KIAA1614: variants seen among roughly 807,000 people sequenced by gnomAD.
The protein encoded by KIAA1614 is KIAA1614.
KIAA1614 carries 76 observed loss-of-function variants against 88.7 expected under a neutral mutation model. The ratio of observed to expected loss-of-function variants is 0.86; its 90% confidence interval spans 0.71 to 1.04. KIAA1614 has a LOEUF of 1.04. Ranked by LOEUF, KIAA1614 falls within the 50% of genes least tolerant of loss-of-function variation. KIAA1614 has a pLI of 0.00. For missense variants in KIAA1614, 1,553 were observed against 1,582.5 expected, an observed-to-expected ratio of 0.98 and a Z score of 0.32; for synonymous variants, 714 against 675.5, an observed-to-expected ratio of 1.06 and a Z score of -0.88.
chr1:180,916,800 A>G lies in KIAA1614; in HGVS notation c.697A>G (p.Ile233Val), dbSNP rs1469283719. The part of the protein sequence containing the change: ...GPGHCNKIIH[I>V]PSPRTGRSYP... Reference sequence around the variant, plus strand: ...TGGTCATTGTAACAAAATCATCCACATTCCCAGCCCAAGGACAGGAAGGTC... The same window carrying G: ...TGGTCATTGTAACAAAATCATCCACGTTCCCAGCCCAAGGACAGGAAGGTC... The change falls in exon 2 of 9, where the codon ATT (isoleucine) becomes GTT (valine). Residue 233 changes from isoleucine (I) to valine (V), a missense_variant. By Grantham distance (29) the Ile-to-Val change is conservative (BLOSUM62 3). Coordinates refer to ENST00000367588, the MANE Select transcript of KIAA1614 (RefSeq NM_020950.2). The G allele has an allele frequency of 1.2e-6, 2 of 1,614,110 alleles. No individual in the cohort carries two copies. The highest frequency in any genetic ancestry group is 1.3e-5 in the African/African-American group (1 of 74,948).
Position 180,947,459 on chromosome 1 carries a change from T to G in KIAA1614, c.*1871T>G, listed in dbSNP as rs1558074859. 6.6e-6 allele frequency: 1 copy of G among 151,828 alleles called. No individual in the cohort carries two copies. The allele number at this position is 151,828 out of a possible 1,614,324, so 9.4% of individuals were successfully genotyped here. A position where few individuals can be genotyped will look rare whatever the true frequency, so the allele number is the denominator to read the frequency against. ...CCTGGACTGGGAACGGCTGTGGAGA[T>G]GGGGAGAGGGGAGAGGGGACAGGGG... On this transcript the variant is annotated 3_prime_UTR_variant, in exon 9 of 9. Coordinates refer to ENST00000367588, the MANE Select transcript of KIAA1614 (RefSeq NM_020950.2).
intron 3 of KIAA1614, among the ~76,000 whole-genome samples, chr1:180,918,322 C>T (rs1223328970): frequency 6.6e-6 from 1 of 152,208 alleles, no homozygotes; most frequent in East Asian, 1.9e-4. Flanking sequence ...CAAAGCCTTA[C>T]CCCAATTCCG....
At position 180,913,105 on chromosome 1, in the gene KIAA1614, A is replaced by C. The variant is rs1653691180; in HGVS notation, c.-139A>C. ...GGCCTCGGCGCCGTCCCGGACCCCC[A>C]GTCGGCCGCGCCCCGAGGGGCGAGG... On this transcript the variant is annotated 5_prime_UTR_variant, in exon 1 of 9. Coordinates refer to ENST00000367588, the MANE Select transcript of KIAA1614 (RefSeq NM_020950.2). 1.9e-6 allele frequency: 1 copy of C among 523,656 alleles called. No homozygotes were observed. Among genetic ancestry groups the C allele is most frequent in the African/African-American group, 2.0e-5 (1 of 49,878 alleles). The allele number at this position is 523,656 out of a possible 1,614,324, so 32.4% of individuals were successfully genotyped here.
At chr1:180,923,597 CCCTGAGCTCCTGGGGCA>C (rs1296099190) in intron 3 of KIAA1614, among the ~76,000 whole-genome samples, 2 of 152,218 alleles carry the variant, frequency 1.3e-5, no homozygotes, top group African/African-American at 4.8e-5. Flanking sequence ...TGTATCTCCT[CCCTGAGCTCCTGGGGCA>C]AGAACTGTGC....
Position 180,926,050 on chromosome 1 carries a change from C to T in KIAA1614, c.1062-2380C>T, listed in dbSNP as rs79414434. Among the ~76,000 whole-genome samples the T allele has an allele frequency of 5.2e-3, 797 of 152,322 alleles. 9 individuals are homozygous for T. Among genetic ancestry groups the T allele is most frequent in the East Asian group, 0.03 (155 of 5,180 alleles). On this transcript the variant is annotated intron_variant, in intron 3 of 8. Coordinates refer to ENST00000367588, the MANE Select transcript of KIAA1614 (RefSeq NM_020950.2). ...AGCCACTTTATTCCTATGCTCCACCCTCTGAGCTAATGAGCTCCAGAAGTG... is the reference window on the plus strand; with the variant it reads ...AGCCACTTTATTCCTATGCTCCACCTTCTGAGCTAATGAGCTCCAGAAGTG...
At chr1:180,925,735 C>T (rs188543796) in intron 3 of KIAA1614, among the ~76,000 whole-genome samples, 10 of 152,164 alleles carry the variant, frequency 6.6e-5, no homozygotes, top group African/African-American at 9.7e-5. Context: ...GTGAACCAGT[C>T]GAGGACACAG....
rs1022033989 is a variant in KIAA1614 at position 180,916,361 on chromosome 1, G to C, written c.258G>C (p.Lys86Asn). 2.5e-6 allele frequency: 4 copies of C among 1,614,092 alleles called. No individual in the cohort carries two copies. The highest frequency in any genetic ancestry group is 2.5e-6 in the Non-Finnish European group (3 of 1,180,036). The change falls in exon 2 of 9, where the codon AAG (lysine) becomes AAC (asparagine). Residue 86 changes from lysine to asparagine, a missense_variant. Lys to Asn is a moderately conservative substitution (Grantham distance 94, BLOSUM62 0). Transcript: ENST00000367588. ...AGGGCCCCTCTGTGCTGGAATCCAA[G>C]GTGAGGGCTTTGAAGGAGAAGATGA... ...QLQGPSVLES[K>N]VRALKEKMTV...
intron 4 of KIAA1614, among the ~76,000 whole-genome samples, chr1:180,932,421 G>A (rs1654216852): frequency 6.6e-6 from 1 of 152,154 alleles, no homozygotes. Context: ...CTGGTTGAAA[G>A]ATAAATATGT....
intron 1 of KIAA1614, among the ~76,000 whole-genome samples, chr1:180,914,631 C>T (rs1314512427): frequency 6.6e-6 from 1 of 152,156 alleles, no homozygotes; most frequent in African/African-American, 2.4e-5. Context: ...CTCACTGTAA[C>T]CTCCGCCTTC....
At position 180,917,073 on chromosome 1, in the gene KIAA1614, A is replaced by T; in HGVS notation, c.970A>T (p.Thr324Ser). 6.2e-7 allele frequency: 1 copy of T among 1,613,182 alleles called. No homozygotes were observed. Among genetic ancestry groups the T allele is most frequent in the African/African-American group, 1.3e-5 (1 of 74,992 alleles). The change falls in exon 2 of 9, where the codon ACT (threonine) becomes TCT (serine). Residue 324 changes from threonine to serine, a missense_variant. Physicochemically the swap from Thr to Ser is moderately conservative, Grantham distance 58. Transcript: ENST00000367588. ...CCGCAAGGTGGGAACCCCTGCCTGGACTCCATCCTGGGACACAGCTGCACC... is the reference window on the plus strand; with the variant it reads ...CCGCAAGGTGGGAACCCCTGCCTGGTCTCCATCCTGGGACACAGCTGCACC... Reference protein sequence around the residue: ...SPRKVGTPAWTPSWDTAAPER... With the variant: ...SPRKVGTPAWSPSWDTAAPER...
At position 180,946,460 on chromosome 1, in the gene KIAA1614, T is replaced by C. The variant is rs4652539; in HGVS notation, c.*872T>C. 0.49 allele frequency: 75,271 copies of C among 152,072 alleles called. 19,263 individuals carry two copies. Among genetic ancestry groups the C allele is most frequent in the East Asian group, 0.6 (3,105 of 5,162 alleles). The allele number at this position is 152,072 out of a possible 1,614,324, so 9.4% of individuals were successfully genotyped here. ...CCAGTTCTCAGTTCCACCCCATCCA[T>C]GAGTCTTTCAGGGCAACGTGACTTG... On this transcript the variant is annotated 3_prime_UTR_variant, in exon 9 of 9. Transcript: ENST00000367588.
chr1:180,936,135 A>G lies in KIAA1614; in HGVS notation c.2226A>G (p.Pro742=). ...HQPHPLDSRT[P]CRTAYATTAP... is the part of the protein sequence containing the mutation. ...CTCACCCTTTGGATTCCCGGACTCC[A>G]TGCAGGACAGCCTATGCCACCACCG... The change falls in exon 5 of 9, where the codon CCA becomes CCG. Residue 742 remains proline (P), a synonymous_variant. Transcript: ENST00000367588. 6.2e-7 allele frequency: 1 copy of G among 1,614,146 alleles called. No individual in the cohort carries two copies. Among genetic ancestry groups the G allele is most frequent in the South Asian group, 1.1e-5 (1 of 91,080 alleles).
chr1:180,931,049 A>C (rs539706674), intron 4 of KIAA1614, among the ~76,000 whole-genome samples: 1 of 152,218 alleles, frequency 6.6e-6, no homozygotes, highest in Non-Finnish European at 1.5e-5. Flanking sequence ...TCTTTATCCT[A>C]GGTCTGGCTA....
intron 8 of KIAA1614, 35 bp downstream of exon 8, chr1:180,944,551 C>A: frequency 6.2e-7 from 1 of 1,604,090 alleles, no homozygotes; most frequent in South Asian, 1.1e-5. Flanking sequence ...AGGATAAACT[C>A]AGAGAGTGAC....
rs780129597 is a variant in KIAA1614, at chr1:180,935,419, C to T, written c.1510C>T (p.Leu504Phe). ...CGACTACATCAACGGGGCTCCCCGGCTCCGGGACGCGGGGCAGGGGACATT... is the reference window on the plus strand; with the variant it reads ...CGACTACATCAACGGGGCTCCCCGGTTCCGGGACGCGGGGCAGGGGACATT... Reference protein sequence around the residue: ...LADYINGAPRLRDAGQGTFHR... With the variant: ...LADYINGAPRFRDAGQGTFHR... Residue 504 changes from leucine to phenylalanine, a missense_variant, in exon 5 of 9, where the codon CTC becomes TTC. Physicochemically the swap from Leu to Phe is conservative, Grantham distance 22. Transcript: ENST00000367588. This position sits in a 1 kb window ranked among gnomAD's most constrained non-coding sequence, Gnocchi z 6.1. 5 of 1,473,632 alleles carry T rather than the reference C, an allele frequency of 3.4e-6. No homozygotes were observed. In the East Asian group the frequency reaches 7.2e-5, roughly 21 times the overall value. 91.3% of individuals were successfully genotyped at this position (1,473,632 alleles called of 1,614,324 possible).
chr1:180,945,531 T>C lies in KIAA1614; in HGVS notation c.3516T>C (p.Leu1172=), dbSNP rs1158340519. ...CTCAGCCCCATGGCTGGGGCGGCCT[T>C]AGCAAACAAGGCAGGGCCTTCTGGC... ...PLPQPHGWGG[L]SKQGRAFWLW... Residue 1172 remains leucine, a synonymous_variant, in exon 9 of 9, where the codon CTT becomes CTC. Transcript: ENST00000367588. 6 of 1,613,658 alleles carry C rather than the reference T, an allele frequency of 3.7e-6. No homozygotes were observed. Among genetic ancestry groups the C allele is most frequent in the African/African-American group, 1.3e-5 (1 of 74,934 alleles).
chr1:180,945,264 A>G, intron 8 of KIAA1614, 39 bp from the exon 9 acceptor site: 1 of 1,557,996 alleles, frequency 6.4e-7, no homozygotes, highest in Non-Finnish European at 8.6e-7. Context: ...CCAGTGCCTG[A>G]TGCTTTTTGC....
intron 7 of KIAA1614, among the ~76,000 whole-genome samples, chr1:180,943,775 T>C (rs1005509744): frequency 6.6e-6 from 1 of 151,896 alleles, no homozygotes; most frequent in Admixed American, 6.6e-5. Context: ...CTTGAACTCC[T>C]GACCTCAGGT....
Position 180,935,787 on chromosome 1 carries a change from G to C in KIAA1614, c.1878G>C (p.Glu626Asp). Residue 626 changes from glutamate (E) to aspartate (D), a missense_variant, in exon 5 of 9, where the codon GAG becomes GAC. Transcript: ENST00000367588. The surrounding 1 kb of genome is among the most constrained non-coding windows in gnomAD (Gnocchi z 6.1). ...DNSDNCRTDS[E>D]EAGTSQAGWA... The stretch of plus-strand genomic sequence containing the variant: ...CTGACAACTGCAGGACCGACAGTGA[G>C]GAGGCGGGGACCTCTCAGGCTGGCT... The C allele has an allele frequency of 6.2e-7, 1 of 1,613,866 alleles. No individual in the cohort carries two copies. The highest frequency in any genetic ancestry group is 8.5e-7 in the Non-Finnish European group (1 of 1,179,956).
Sources: gnomAD v4.1 joint callset for allele counts (sites outside exome capture counted in the v4.1 genomes callset) on GRCh38, gnomAD v4.1.1 for gene constraint, Gnocchi (gnomAD v3.1) non-coding constraint, MANE v1.5 for transcripts, NCBI Gene and HGNC (gene_info 2026-07-23, HGNC 2026-07-21) for gene names.